The following CHN2 variants were observed in gnomAD, a reference collection of about 807,000 sequenced individuals.
The protein encoded by CHN2 is beta-chimaerin.
CHN2 carries 35 observed loss-of-function variants against 56.3 expected under a neutral mutation model. The ratio of observed to expected loss-of-function variants is 0.62; its 90% CI spans 0.47 to 0.82. The LOEUF (loss-of-function observed/expected upper bound fraction) is 0.82, where lower values mean the gene tolerates loss of function less well. Among genes scored for constraint, CHN2 ranks in the 40% least tolerant of loss-of-function variants. The probability of loss-of-function intolerance (pLI) is 0.00; values close to 1 mark genes in which losing one functional copy is unlikely to be tolerated. For missense variants in CHN2, 491 were observed against 580.5 expected (o/e 0.85, Z 1.58); for synonymous variants, 210 against 212.8 (o/e 0.99, Z 0.12).
intron 2 of CHN2, among the ~76,000 whole-genome samples, chr7:29,160,325 A>T (rs1195465670): frequency 6.6e-6 from 1 of 152,142 alleles, no homozygotes; most frequent in Non-Finnish European, 1.5e-5. Context: ...TGATTCCCTG[A>T]TGTTCTCCCA....
chr7:29,146,869 A>G (rs1263994952), exon 2 of CHN2: 2 of 1,551,176 alleles, frequency 1.3e-6, no homozygotes, highest in Middle Eastern at 3.3e-4. Context: ...CAAGCCCAGG[A>G]TTTACATTTG....
At chr7:29,321,286 T>C (rs987660563) in intron 1 of CHN2, among the ~76,000 whole-genome samples, 9 of 152,212 alleles carry the variant, frequency 5.9e-5, no homozygotes, top group Admixed American at 5.9e-4. Context: ...AAGAGCTTGC[T>C]GTGCTCAGCA....
At chr7:29,177,318 A>G (rs761750530) in intron 2 of CHN2, among the ~76,000 whole-genome samples, 31 of 151,630 alleles carry the variant, frequency 2.0e-4, no homozygotes, top group African/African-American at 7.5e-4. Context: ...CAGTGGTGCT[A>G]TCTCTGCTCA....
intron 2 of CHN2, among the ~76,000 whole-genome samples, chr7:29,365,370 C>T (rs890784371): frequency 6.6e-6 from 1 of 152,168 alleles, no homozygotes; most frequent in African/African-American, 2.4e-5. Context: ...GCAGGACTTA[C>T]AACATGCAGG....
At chr7:29,440,695 A>AT (rs1393081678) in intron 6 of CHN2, among the ~76,000 whole-genome samples, 1 of 127,896 alleles carries the variant, frequency 7.8e-6, no homozygotes, top group African/African-American at 3.8e-5. Flanking sequence ...AAAAAAAAAA[A>AT]AAAAAAAAAA....
At chr7:29,482,090 A>G (rs1050657757) in intron 7 of CHN2, among the ~76,000 whole-genome samples, 3 of 152,232 alleles carry the variant, frequency 2.0e-5, no homozygotes, top group African/African-American at 7.2e-5. Flanking sequence ...TTGCTAACAC[A>G]ATATATTACT....
At chr7:29,295,314 A>AACACACACACACACACACACACACAC (rs58693628) in intron 1 of CHN2, among the ~76,000 whole-genome samples, 1 of 144,962 alleles carries the variant, frequency 6.9e-6, no homozygotes, top group African/African-American at 2.6e-5. Context: ...TTTAGCTGTG[A>AACACACACACACACACACACACACAC]ACACACACAC....
At chr7:29,216,951 C>T (rs1001934465) in intron 1 of CHN2, among the ~76,000 whole-genome samples, 6 of 152,128 alleles carry the variant, frequency 3.9e-5, no homozygotes, top group African/African-American at 1.4e-4. Flanking sequence ...TACAGGAGCA[C>T]GGCTTTTGAT....
At chr7:29,293,684 C>T (rs552862208) in intron 1 of CHN2, among the ~76,000 whole-genome samples, 2 of 152,248 alleles carry the variant, frequency 1.3e-5, no homozygotes, top group South Asian at 4.1e-4. Context: ...GTCCGCATGG[C>T]TCTCCGTCCC....
intron 1 of CHN2, among the ~76,000 whole-genome samples, chr7:29,296,433 G>A (rs765084347): frequency 2.2e-4 from 34 of 152,144 alleles, no homozygotes; most frequent in African/African-American, 5.6e-4. Flanking sequence ...TTTTATTGAA[G>A]CATATGCTAA....
At position 29,288,012 on chromosome 7, in the gene CHN2, T is replaced by C. The variant is rs144752235; in HGVS notation, c.50-66613T>C. Among the ~76,000 whole-genome samples the C allele has an allele frequency of 2.6e-5, 4 of 152,332 alleles. No individual in the cohort carries two copies. The Middle Eastern group carries it at 0.01, about 389-fold the overall frequency. On this transcript the variant is annotated intron_variant, in intron 1 of 12. Transcript: ENST00000222792. ...ATTTTCATAACAAGCATATACTTTA[T>C]GTCCTTTATTTCCAATTCATGCAGT...
chr7:29,151,342 C>T (rs953277885), intron 2 of CHN2, among the ~76,000 whole-genome samples: 13 of 152,182 alleles, frequency 8.5e-5, no homozygotes, highest in African/African-American at 2.4e-4. Flanking sequence ...ACTCCTTTGA[C>T]GATCCAGATG....
intron 6 of CHN2, among the ~76,000 whole-genome samples, chr7:29,457,653 C>G (rs1784864237): frequency 6.6e-6 from 1 of 152,208 alleles, no homozygotes; most frequent in Non-Finnish European, 1.5e-5. Flanking sequence ...TTGGAGAACT[C>G]TCTCCCTTTA....
At chr7:29,496,099 G>A (rs1241118222) in intron 8 of CHN2, 63 bp downstream of exon 8, 3 of 1,370,292 alleles carry the variant, frequency 2.2e-6, no homozygotes, top group Non-Finnish European at 3.1e-6. Flanking sequence ...GCTGGAGGAT[G>A]TCTCTCCAGA....
chr7:29,426,158 G>T (rs1042055794), intron 6 of CHN2, among the ~76,000 whole-genome samples: 2 of 137,398 alleles, frequency 1.5e-5, no homozygotes, highest in Non-Finnish European at 3.0e-5. Flanking sequence ...GCAGTGAGCC[G>T]AGATCCTGCC....
chr7:29,303,502 A>G (rs1272974509), intron 1 of CHN2, among the ~76,000 whole-genome samples: 3 of 151,678 alleles, frequency 2.0e-5, no homozygotes, highest in Non-Finnish European at 4.4e-5. Context: ...TCCCAGTTCC[A>G]CCTGGGAGGT....
intron 1 of CHN2, among the ~76,000 whole-genome samples, chr7:29,206,994 G>A (rs1784566610): frequency 6.6e-6 from 1 of 152,180 alleles, no homozygotes; most frequent in Non-Finnish European, 1.5e-5. Flanking sequence ...TCTTTTTGTG[G>A]TAACGAAATT....
rs1002323057 is a variant in CHN2, at chr7:29,155,455, G to A, written c.274+8495G>A. Among the ~76,000 whole-genome samples, 7 of 152,110 alleles carry A rather than the reference G, an allele frequency of 4.6e-5. 1 individual carries two copies. The highest frequency in any genetic ancestry group is 3.9e-4 in the East Asian group (2 of 5,188). On this transcript the variant is annotated intron_variant, in intron 2 of 6. Transcript: ENST00000439384. The stretch of plus-strand genomic sequence containing the variant: ...GGTCATTCAGCCCTTACTGTAACCC[G>A]AAAAGGTAGATATTATATTCTCCAT...
At chr7:29,226,086 T>G (rs900378991) in intron 1 of CHN2, among the ~76,000 whole-genome samples, 1 of 152,180 alleles carries the variant, frequency 6.6e-6, no homozygotes, top group Non-Finnish European at 1.5e-5. Flanking sequence ...CCTTTCTTCT[T>G]AAAAAATATC....
Sources: allele counts gnomAD v4.1 joint callset (sites outside exome capture counted in the v4.1 genomes callset), GRCh38; gene constraint gnomAD v4.1.1; transcripts MANE v1.5; gene names NCBI Gene and HGNC (gene_info 2026-07-23, HGNC 2026-07-21).